PDE8B: variants seen among roughly 807,000 people sequenced by gnomAD.
PDE8B encodes the protein phosphodiesterase 8B.
Under a neutral mutation model 101.3 loss-of-function variants are expected in PDE8B, and 26 were observed. That is an observed-to-expected ratio of 0.26 (90% CI 0.19 to 0.36). The LOEUF (loss-of-function observed/expected upper bound fraction) is 0.36, where lower values mean the gene tolerates loss of function less well. Ranked by LOEUF, PDE8B falls within the 10% of genes least tolerant of loss-of-function variation. PDE8B has a pLI of 1.00. For synonymous variants in PDE8B, 424 were observed against 429.3 expected, an observed-to-expected ratio of 0.99 and a Z score of 0.15; for missense variants, 810 against 1,163.1, an observed-to-expected ratio of 0.70 and a Z score of 4.42.
intron 1 of PDE8B, among the ~76,000 whole-genome samples, chr5:77,234,851 G>A (rs560107555): frequency 9.9e-5 from 15 of 152,246 alleles, no homozygotes; most frequent in East Asian, 1.9e-4. Flanking sequence ...CTGTTTTCTC[G>A]TTCATTTAAT....
intron 6 of PDE8B, among the ~76,000 whole-genome samples, chr5:77,339,424 T>G (rs1365452456): frequency 6.6e-6 from 1 of 152,184 alleles, no homozygotes; most frequent in African/African-American, 2.4e-5. Context: ...CTCAACCTTA[T>G]TCAAGTTATC....
At chr5:77,098,293 T>TTA in the PDE8B span, among the ~76,000 whole-genome samples, 3 of 145,076 alleles carry the variant, frequency 2.1e-5, no homozygotes, top group East Asian at 6.0e-4. Flanking sequence ...TTTTTTTTTT[T>TTA]AAAAAAAAAA....
chr5:77,181,551 A>G, the PDE8B span, among the ~76,000 whole-genome samples: 1 of 152,164 alleles, frequency 6.6e-6, no homozygotes, highest in Non-Finnish European at 1.5e-5. Flanking sequence ...GTGCCCATCC[A>G]TTCTGCTTCT....
In PDE8B at chr5:77,274,102, G is replaced by A. The variant is rs370747227; in HGVS notation, c.340-37892G>A. Among the ~76,000 whole-genome samples, 16 of 152,276 alleles carry A rather than the reference G, an allele frequency of 1.1e-4. No individual in the cohort carries two copies. In the East Asian group the frequency reaches 2.3e-3, roughly 22 times the overall value. On this transcript the variant is annotated intron_variant, in intron 1 of 21. Coordinates refer to ENST00000264917, the MANE Select transcript of PDE8B (RefSeq NM_003719.5). The stretch of plus-strand genomic sequence containing the variant: ...CTCCCAACGTGATGGGATTACAGGC[G>A]TGAACCATCTTGCCCAGCTAGTTCT...
At chr5:77,298,467 G>A (rs1244251100) in intron 1 of PDE8B, among the ~76,000 whole-genome samples, 1 of 152,216 alleles carries the variant, frequency 6.6e-6, no homozygotes, top group Non-Finnish European at 1.5e-5. Context: ...AAGCAGCATT[G>A]ATGAATTTTA....
the PDE8B span, among the ~76,000 whole-genome samples, chr5:77,108,998 T>C: frequency 1.3e-5 from 2 of 152,222 alleles, no homozygotes; most frequent in African/African-American, 4.8e-5. Context: ...TGTCAGCCCA[T>C]TGACCATCCT....
At chr5:77,177,304 G>T in the PDE8B span, among the ~76,000 whole-genome samples, 1 of 152,196 alleles carries the variant, frequency 6.6e-6, no homozygotes. Context: ...CCCAGTGGCT[G>T]CCTGGAACCA....
upstream of PDE8B, chr5:77,210,534 A>G (rs1328948490): frequency 1.4e-4 from 108 of 780,144 alleles, no homozygotes; most frequent in Admixed American, 8.6e-4. This position sits in a 1 kb window ranked among gnomAD's most constrained non-coding sequence, Gnocchi z 4.9. Context: ...GCCCTGGCCC[A>G]GGGCCGCGGG....
At chr5:77,132,247 A>G in the PDE8B span, among the ~76,000 whole-genome samples, 1 of 152,080 alleles carries the variant, frequency 6.6e-6, no homozygotes, top group Admixed American at 6.6e-5. Flanking sequence ...CCCACCCCTC[A>G]TATTTTCTAA....
chr5:77,240,543 A>C (rs1199844205), intron 1 of PDE8B, among the ~76,000 whole-genome samples: 1 of 152,246 alleles, frequency 6.6e-6, no homozygotes, highest in East Asian at 1.9e-4. Flanking sequence ...TAGAAACCAT[A>C]AGATAACCTA....
At chr5:77,369,203 CAAAAAAA>C (rs70988667) in intron 10 of PDE8B, among the ~76,000 whole-genome samples, 4 of 79,030 alleles carry the variant, frequency 5.1e-5, no homozygotes, top group African/African-American at 2.2e-4. Context: ...TCCACTGTCT[CAAAAAAA>C]AAAAAAAAAA....
upstream of PDE8B, among the ~76,000 whole-genome samples, chr5:77,207,479 T>A (rs1747594471): frequency 6.6e-6 from 1 of 152,250 alleles, no homozygotes; most frequent in Non-Finnish European, 1.5e-5. Context: ...TAGTTTACTT[T>A]CTTTTGATTT....
At chr5:77,352,341 T>C (rs1781309213) in intron 9 of PDE8B, among the ~76,000 whole-genome samples, 1 of 152,236 alleles carries the variant, frequency 6.6e-6, no homozygotes, top group South Asian at 2.1e-4. Context: ...AGAATCCCTT[T>C]CTGTGTGTGT....
At chr5:77,412,694 A>C (rs10514099) in intron 16 of PDE8B, among the ~76,000 whole-genome samples, 32,120 of 151,986 alleles carry the variant, frequency 0.21, 3,968 homozygotes, top group African/African-American at 0.35. Flanking sequence ...TGTAACGTAA[A>C]TAAGTAACAG....
intron 6 of PDE8B, among the ~76,000 whole-genome samples, chr5:77,343,271 T>C (rs373510257): frequency 6.6e-6 from 1 of 152,212 alleles, no homozygotes; most frequent in African/African-American, 2.4e-5. Flanking sequence ...GGGGATATGT[T>C]CTGAGAAATG....
chr5:77,250,753 C>T (rs768122916), intron 1 of PDE8B, among the ~76,000 whole-genome samples: 1 of 152,114 alleles, frequency 6.6e-6, no homozygotes, highest in Non-Finnish European at 1.5e-5. Context: ...TCATTGGTGG[C>T]CTCAGGATTC....
chr5:77,251,592 A>AC, intron 1 of PDE8B, among the ~76,000 whole-genome samples: 1 of 152,214 alleles, frequency 6.6e-6, no homozygotes, highest in East Asian at 1.9e-4. Context: ...TTCAGTTATG[A>AC]CTTCTTCCCA....
the PDE8B span, chr5:77,139,875 C>T: frequency 6.6e-6 from 1 of 152,124 alleles, no homozygotes; most frequent in African/African-American, 2.4e-5. Flanking sequence ...TTAAAATGTA[C>T]TTATTTTATA....
intron 1 of PDE8B, among the ~76,000 whole-genome samples, chr5:77,228,592 A>G (rs1438198680): frequency 2.0e-5 from 3 of 152,102 alleles, no homozygotes; most frequent in African/African-American, 7.2e-5. Flanking sequence ...AGAGACTAAC[A>G]TGAGCAAACA....
Sources: allele counts gnomAD v4.1 joint callset (sites outside exome capture counted in the v4.1 genomes callset), GRCh38; gene constraint gnomAD v4.1.1; non-coding constraint Gnocchi (gnomAD v3.1); transcripts MANE v1.5; gene names NCBI Gene and HGNC (gene_info 2026-07-23, HGNC 2026-07-21).